Variants in STAB2 observed in about 807,000 individuals in gnomAD.
The protein encoded by STAB2 is stabilin-2.
In STAB2, 288 loss-of-function variants were observed where a neutral mutation model predicts 338.1. That is an observed-to-expected ratio of 0.85 (90% CI 0.77 to 0.94). The LOEUF is 0.94. STAB2 is among the 40% of genes least tolerant of loss of function. The probability of loss-of-function intolerance (pLI) is 0.00; values close to 1 mark genes in which losing one functional copy is unlikely to be tolerated. For synonymous variants in STAB2, 1,202 were observed against 1,193.3 expected (o/e 1.01, Z -0.15); for missense variants, 3,141 against 3,210.1 (o/e 0.98, Z 0.52).
At chr12:103,593,553 A>T (rs549232058) in intron 2 of STAB2, among the ~76,000 whole-genome samples, 1 of 152,298 alleles carries the variant, frequency 6.6e-6, no homozygotes, top group East Asian at 1.9e-4. Flanking sequence ...CCCTGCCAGT[A>T]TTCTCAACCA....
chr12:103,688,871 C>T (rs1198480329), intron 28 of STAB2, among the ~76,000 whole-genome samples: 1 of 152,210 alleles, frequency 6.6e-6, no homozygotes, highest in Non-Finnish European at 1.5e-5. Flanking sequence ...GAACCCTGTT[C>T]ACACTCACTC....
At chr12:103,689,736 A>G (rs986739782) in intron 28 of STAB2, 110 bp from the exon 29 acceptor site, 11 of 1,423,160 alleles carry the variant, frequency 7.7e-6, no homozygotes, top group Non-Finnish European at 9.5e-6. Context: ...AGGAGACCCT[A>G]GGACCCTTCC....
rs977286752 is a variant in STAB2 at position 103,735,688 on chromosome 12, A to G, written c.5550+108A>G. The G allele has an allele frequency of 4.2e-6, 4 of 946,088 alleles. No individual in the cohort carries two copies. The Admixed American group carries it at 1.2e-4, about 29-fold the overall frequency. 58.6% of individuals were successfully genotyped at this position (946,088 alleles called of 1,614,324 possible). On this transcript the variant is annotated intron_variant, in intron 52 of 68. Transcript: ENST00000388887. Reference sequence around the variant, plus strand: ...GATGTTCATTTTTTCCCCTCCATTCATAGCGGGCTCATTTTTTTTCTCACT... The same window carrying G: ...GATGTTCATTTTTTCCCCTCCATTCGTAGCGGGCTCATTTTTTTTCTCACT...
chr12:103,766,270 A>G lies in STAB2; in HGVS notation c.7606-16A>G. On this transcript the variant is annotated splice_polypyrimidine_tract_variant and intron_variant, in intron 68 of 68. Transcript: ENST00000388887. ...ACACAGAATGCCCTGCCCCCTTACA[A>G]CCCTCTCTTTTCCAGGACTCTGAAG... is the stretch of plus-strand genomic sequence containing the variant. 1.2e-6 allele frequency: 2 copies of G among 1,613,196 alleles called. No individual in the cohort carries two copies. The highest frequency in any genetic ancestry group is 2.2e-5 in the South Asian group (2 of 91,026).
chr12:103,740,498 A>AG (rs1882492329), intron 54 of STAB2, 132 bp from the exon 55 acceptor site: 1 of 1,250,626 alleles, frequency 8.0e-7, no homozygotes, highest in East Asian at 2.9e-5. Context: ...GGAAAAAAAA[A>AG]GTTGGCTCAC....
intron 31 of STAB2, among the ~76,000 whole-genome samples, chr12:103,695,330 G>T (rs1234141377): frequency 2.6e-5 from 4 of 152,214 alleles, no homozygotes; most frequent in African/African-American, 9.6e-5. Context: ...AGGTTTAACG[G>T]TAAGGCATAA....
chr12:103,619,615 C>T (rs899592116), intron 3 of STAB2, among the ~76,000 whole-genome samples: 6 of 152,050 alleles, frequency 3.9e-5, no homozygotes, highest in Admixed American at 6.5e-5. Context: ...CAATTCAGAT[C>T]TAGAATATCA....
rs1881289800 is a variant in STAB2 at position 103,727,321 on chromosome 12, T to G, written c.4906T>G (p.Leu1636Val). Residue 1636 changes from leucine (L) to valine (V), a missense_variant, in exon 47 of 69, where the codon TTA becomes GTA. Physicochemically the swap from Leu to Val is conservative, Grantham distance 32. Coordinates refer to ENST00000388887, the MANE Select transcript of STAB2 (RefSeq NM_017564.10). Reference sequence around the variant, plus strand: ...AGGCCCCTTCACTGTTTTTGCACCTTTATCTGCAGCCTTTGATGAGGAAGC... The same window carrying G: ...AGGCCCCTTCACTGTTTTTGCACCTGTATCTGCAGCCTTTGATGAGGAAGC... The part of the protein sequence containing the change: ...GPGPFTVFAP[L>V]SAAFDEEARV... 6.2e-7 allele frequency: 1 copy of G among 1,614,130 alleles called. No individual in the cohort carries two copies. Among genetic ancestry groups the G allele is most frequent in the Non-Finnish European group, 8.5e-7 (1 of 1,180,036 alleles).
In STAB2 at chr12:103,611,606, G is replaced by C. The variant is rs978156931; in HGVS notation, c.332-8862G>C. On this transcript the variant is annotated intron_variant, in intron 3 of 68. Coordinates refer to ENST00000388887, the MANE Select transcript of STAB2 (RefSeq NM_017564.10). The stretch of plus-strand genomic sequence containing the variant: ...TCTCTGCATGTGAGATGGGTTTCCT[G>C]AGTACAGCACACTGATGGGTCTTGA... 6.6e-5 allele frequency among the ~76,000 whole-genome samples: 10 copies of C among 152,292 alleles called. 1 individual carries two copies. The highest frequency in any genetic ancestry group is 3.3e-4 in the Admixed American group (5 of 15,302).
chr12:103,587,602 A>G (rs1294669809), intron 1 of STAB2, 45 bp downstream of exon 1: 1 of 1,505,690 alleles, frequency 6.6e-7, no homozygotes, highest in Admixed American at 1.7e-5. Context: ...AATTGTCATG[A>G]TATGTTCAAA....
At chr12:103,698,029 A>G (rs982736382) in intron 33 of STAB2, among the ~76,000 whole-genome samples, 2 of 152,154 alleles carry the variant, frequency 1.3e-5, no homozygotes, top group African/African-American at 2.4e-5. Context: ...GAGTGACGGG[A>G]AACTGCCAAC....
chr12:103,739,527 CTGTGTGTGTGTGTGTGTGTGTGTGTGTG>C (rs35471201), intron 54 of STAB2, 59 bp downstream of exon 54: 17 of 674,244 alleles, frequency 2.5e-5, no homozygotes, highest in Non-Finnish European at 3.6e-5. Context: ...ATTATCAGAC[CTGTGTGTGTGTGTGTGTGTGTGTGTGTG>C]TGTGTGTGTG....
At chr12:103,713,562 A>G in intron 41 of STAB2, 81 bp from the exon 42 acceptor site, 2 of 1,580,894 alleles carry the variant, frequency 1.3e-6, no homozygotes, top group South Asian at 1.1e-5. Context: ...AGTATGTTCC[A>G]TTTCTCAATG....
chr12:103,695,409 T>C (rs141853886), intron 31 of STAB2, 141 bp from the exon 32 acceptor site: 271 of 702,548 alleles, frequency 3.9e-4, no homozygotes, highest in Middle Eastern at 1.6e-3. Flanking sequence ...ATTTTTATAC[T>C]GTGAGTAATC....
intron 67 of STAB2, among the ~76,000 whole-genome samples, chr12:103,762,687 G>T (rs1884628890): frequency 6.6e-6 from 1 of 152,218 alleles, no homozygotes; most frequent in African/African-American, 2.4e-5. Context: ...TGGCCTGGAG[G>T]CACATTCACT....
At chr12:103,637,031 A>T (rs1264404584) in intron 6 of STAB2, 80 bp from the exon 7 acceptor site, 9 of 1,416,834 alleles carry the variant, frequency 6.4e-6, no homozygotes, top group Non-Finnish European at 8.4e-6. Context: ...GCTTTTTAAT[A>T]AAAGGGAATA....
chr12:103,700,455 C>T (rs925328406), intron 34 of STAB2, among the ~76,000 whole-genome samples: 23 of 152,266 alleles, frequency 1.5e-4, no homozygotes, highest in Middle Eastern at 3.4e-3. Flanking sequence ...TGGTTTTTAT[C>T]TGCTTATGGG....
At chr12:103,663,603 C>T (rs1874815039) in intron 18 of STAB2, among the ~76,000 whole-genome samples, 1 of 152,138 alleles carries the variant, frequency 6.6e-6, no homozygotes. Flanking sequence ...TCATCTCGGC[C>T]TCCCAAAGTG....
chr12:103,749,235 C>G (rs536204670), intron 59 of STAB2, 79 bp downstream of exon 59: 328 of 1,417,634 alleles, frequency 2.3e-4, no homozygotes, highest in South Asian at 2.8e-4. Context: ...CTCCCATACT[C>G]TGCTTATCTC....
Sources: gnomAD v4.1 joint callset for allele counts (sites outside exome capture counted in the v4.1 genomes callset) on GRCh38, gnomAD v4.1.1 for gene constraint, MANE v1.5 for transcripts, NCBI Gene and HGNC (gene_info 2026-07-23, HGNC 2026-07-21) for gene names.